COPG2: variants seen among roughly 807,000 people sequenced by gnomAD.
COPG2 encodes the protein coatomer subunit gamma-2.
In COPG2, 37 loss-of-function variants were observed where a neutral mutation model predicts 46.3. The observed-to-expected ratio is 0.80, with a 90% CI of 0.61 to 1.05. The LOEUF is 1.05. Among genes scored for constraint, COPG2 ranks in the 50% least tolerant of loss-of-function variants. The pLI, the probability that COPG2 is intolerant of heterozygous loss-of-function variation, is 0.00. For missense variants in COPG2, 427 were observed against 387.8 expected (o/e 1.10, Z -0.85); for synonymous variants, 159 against 129.7 (o/e 1.23, Z -1.53).
chr7:130,625,729 A>G (rs1292489375), intron 5 of COPG2, among the ~76,000 whole-genome samples: 2 of 151,884 alleles, frequency 1.3e-5, no homozygotes, highest in Non-Finnish European at 2.9e-5. Context: ...TTTTTTCAAA[A>G]ATAGGATTTT....
intron 7 of COPG2, among the ~76,000 whole-genome samples, chr7:130,613,298 C>A (rs1165151703): frequency 1.3e-5 from 2 of 152,186 alleles, no homozygotes; most frequent in African/African-American, 4.8e-5. Context: ...GCTCAGGCAG[C>A]AATGCTCGCT....
chr7:130,646,999 GTATATATATA>G (rs782607492), intron 5 of COPG2, among the ~76,000 whole-genome samples: 44 of 38,224 alleles, frequency 1.2e-3, no homozygotes, highest in African/African-American at 2.0e-3. Context: ...ATATATATGT[GTATATATATA>G]TGTATATATA....
chr7:130,518,524 T>C (rs1426215652), intron 20 of COPG2, among the ~76,000 whole-genome samples: 2 of 152,106 alleles, frequency 1.3e-5, no homozygotes, highest in East Asian at 1.9e-4. Flanking sequence ...GAGTATACCT[T>C]GAGAAGAATG....
intron 20 of COPG2, among the ~76,000 whole-genome samples, chr7:130,530,020 T>C (rs900332159): frequency 7.9e-5 from 12 of 151,672 alleles, no homozygotes; most frequent in African/African-American, 2.9e-4. Flanking sequence ...TGGGAGAGAG[T>C]ATGCCCAGAG....
At chr7:130,521,111 A>G (rs1799719787) in intron 20 of COPG2, among the ~76,000 whole-genome samples, 2 of 152,212 alleles carry the variant, frequency 1.3e-5, no homozygotes, top group African/African-American at 4.8e-5. Flanking sequence ...GCCACCAAAA[A>G]TTATTATTCA....
At chr7:130,523,867 T>C (rs1584962919) in intron 20 of COPG2, among the ~76,000 whole-genome samples, 1 of 148,662 alleles carries the variant, frequency 6.7e-6, no homozygotes, top group Non-Finnish European at 1.5e-5. Context: ...AGGAGGAGGG[T>C]GGGACTGACA....
At chr7:130,514,559 G>C (rs1251901829) in intron 20 of COPG2, among the ~76,000 whole-genome samples, 1 of 152,194 alleles carries the variant, frequency 6.6e-6, no homozygotes, top group Admixed American at 6.5e-5. Context: ...AGGAGACAGA[G>C]TCCATCTGAA....
At chr7:130,590,950 A>C (rs147138679) in intron 9 of COPG2, among the ~76,000 whole-genome samples, 7 of 147,140 alleles carry the variant, frequency 4.8e-5, no homozygotes, top group East Asian at 2.1e-4. Flanking sequence ...CAGCCACACC[A>C]TCTGAGAAGT....
intron 20 of COPG2, among the ~76,000 whole-genome samples, chr7:130,530,038 A>C (rs1403416204): frequency 1.3e-5 from 2 of 152,048 alleles, no homozygotes; most frequent in African/African-American, 4.8e-5. Context: ...GAGTTTGGAG[A>C]GGGTCAGGGT....
intron 5 of COPG2, among the ~76,000 whole-genome samples, chr7:130,633,655 C>T (rs1252677753): frequency 6.6e-6 from 1 of 152,116 alleles, no homozygotes; most frequent in African/African-American, 2.4e-5. Flanking sequence ...AAAATTTTCT[C>T]CCATTCTGTA....
intron 9 of COPG2, among the ~76,000 whole-genome samples, chr7:130,588,606 T>TG (rs1437377875): frequency 6.6e-6 from 1 of 151,642 alleles, no homozygotes; most frequent in Non-Finnish European, 1.5e-5. Context: ...TGAGAACACA[T>TG]GGACACAGGA....
chr7:130,557,817 C>CAAAAAAAAAAAAA (rs1382087826), intron 12 of COPG2, among the ~76,000 whole-genome samples: 2 of 12,234 alleles, frequency 1.6e-4, no homozygotes, highest in Non-Finnish European at 1.2e-4. Context: ...AACTCCATCT[C>CAAAAAAAAAAAAA]AAAAAAAAAA....
chr7:130,509,894 G>T, intron 20 of COPG2: 1 of 482,968 alleles, frequency 2.1e-6, no homozygotes, highest in South Asian at 1.5e-5. Flanking sequence ...TAGTTTAACT[G>T]GCTCTCAAAA....
chr7:130,552,951 T>C (rs1245770496), intron 14 of COPG2, among the ~76,000 whole-genome samples: 5 of 152,186 alleles, frequency 3.3e-5, no homozygotes, highest in African/African-American at 1.2e-4. Flanking sequence ...GGTAAGTCCA[T>C]GGAAGAAATA....
At chr7:130,643,522 G>C (rs1253932342) in intron 5 of COPG2, among the ~76,000 whole-genome samples, 1 of 152,114 alleles carries the variant, frequency 6.6e-6, no homozygotes, top group Non-Finnish European at 1.5e-5. Context: ...TAGTTGCTCT[G>C]ATGTTGGTTT....
intron 20 of COPG2, among the ~76,000 whole-genome samples, chr7:130,523,059 A>G (rs1799737843): frequency 7.0e-6 from 1 of 143,242 alleles, no homozygotes; most frequent in Non-Finnish European, 1.5e-5. Flanking sequence ...GTGAGGGTGC[A>G]GTGAGCCGAG....
chr7:130,534,792 T>C (rs1799862746), intron 20 of COPG2, among the ~76,000 whole-genome samples: 1 of 152,008 alleles, frequency 6.6e-6, no homozygotes, highest in Admixed American at 6.6e-5. Flanking sequence ...ACAGCCACAA[T>C]AGCAAGCAAT....
chr7:130,664,807 T>C (rs1796042118), intron 3 of COPG2, among the ~76,000 whole-genome samples: 1 of 152,220 alleles, frequency 6.6e-6, no homozygotes, highest in Admixed American at 6.5e-5. Context: ...TTAAACCCAA[T>C]TGACTATGCT....
intron 3 of COPG2, 102 bp downstream of exon 3, chr7:130,666,747 G>T (rs913705983): frequency 2.3e-4 from 145 of 639,618 alleles, no homozygotes; most frequent in Non-Finnish European, 3.6e-4. Flanking sequence ...AAAATTAAGT[G>T]AATTTAAAAT....
Sources: allele counts gnomAD v4.1 joint callset (sites outside exome capture counted in the v4.1 genomes callset), GRCh38; gene constraint gnomAD v4.1.1; transcripts MANE v1.5; gene names NCBI Gene and HGNC (gene_info 2026-07-23, HGNC 2026-07-21).